The following MYPN variants were observed in gnomAD, a reference collection of about 807,000 sequenced individuals.
The protein encoded by MYPN is sarcomeric protein myopalladin, 145 kDa (MYOP).
Under a neutral mutation model 129.4 loss-of-function variants are expected in MYPN, and 63 were observed. The observed-to-expected ratio is 0.49, with a 90% CI of 0.40 to 0.60. The LOEUF (loss-of-function observed/expected upper bound fraction) is 0.60. Among genes scored for constraint, MYPN ranks in the 20% least tolerant of loss-of-function variants. The pLI is 0.00. For synonymous variants in MYPN, 629 were observed against 600.9 expected, an observed-to-expected ratio of 1.05 and a Z score of -0.68; for missense variants, 1,596 against 1,635.4, an observed-to-expected ratio of 0.98 and a Z score of 0.42.
At position 68,166,837 on chromosome 10, in the gene MYPN, G is replaced by T. The variant is rs7905579; in HGVS notation, c.1973+171G>T. On this transcript the variant is annotated intron_variant, in intron 10 of 19. Transcript: ENST00000358913. ...TGAGCCCAGGAATTCGAGACCAGCC[G>T]GGGAAAAATAGTGAGACCTCTGTCT... Among the ~76,000 whole-genome samples, 60,453 of 151,536 alleles carry T rather than the reference G, an allele frequency of 0.4. 13,766 individuals carry two copies. The highest frequency in any genetic ancestry group is 0.52 in the Non-Finnish European group (35,042 of 67,764).
At position 68,166,592 on chromosome 10, in the gene MYPN, C is replaced by G. The variant is rs147500426; in HGVS notation, c.1899C>G (p.Asn633Lys). ...TRPDSFQERF[N>K]GQATKTPEPS... ...CCGATTCTTTCCAGGAGAGGTTCAA[C>G]GGACAGGCAACAAAAACCCCAGAGC... Residue 633 changes from asparagine (N) to lysine (K), a missense_variant, in exon 10 of 20, where the codon AAC becomes AAG. By Grantham distance (94) the Asn-to-Lys change is moderately conservative (BLOSUM62 0). Transcript: ENST00000358913. 3 of 1,613,998 alleles carry G rather than the reference C, an allele frequency of 1.9e-6. No homozygotes were observed. The highest frequency in any genetic ancestry group is 2.5e-6 in the Non-Finnish European group (3 of 1,180,004).
At position 68,121,722 on chromosome 10, in the gene MYPN, A is replaced by C. The variant is rs763850193; in HGVS notation, c.284A>C (p.Gln95Pro). Residue 95 changes from glutamine (Q) to proline (P), a missense_variant, in exon 2 of 20, where the codon CAA (glutamine) becomes CCA (proline). Coordinates refer to ENST00000358913, the MANE Select transcript of MYPN (RefSeq NM_032578.4). ...CCTTTGGAGAAGGCAGATGAAACTC[A>C]AGCTAGAAAACGACTTTCTCCTGAT... ...YDPLEKADET[Q>P]ARKRLSPDQM... 6.2e-7 allele frequency: 1 copy of C among 1,614,188 alleles called. No homozygotes were observed. The highest frequency in any genetic ancestry group is 2.2e-5 in the East Asian group (1 of 44,876).
At chr10:68,128,012 T>C (rs190758947) in intron 2 of MYPN, among the ~76,000 whole-genome samples, 2 of 152,322 alleles carry the variant, frequency 1.3e-5, no homozygotes, top group Admixed American at 6.5e-5. Context: ...AATTATTTTG[T>C]TTATATTGTT....
At chr10:68,202,364 C>T (rs1189658280) in intron 18 of MYPN, among the ~76,000 whole-genome samples, 1 of 151,720 alleles carries the variant, frequency 6.6e-6, no homozygotes, top group Non-Finnish European at 1.5e-5. Flanking sequence ...ACCTGGGAGG[C>T]GGAACTTGCA....
intron 12 of MYPN, among the ~76,000 whole-genome samples, chr10:68,182,386 TATATAACATATATATAACAC>T (rs1325859830): frequency 1.1e-4 from 12 of 104,576 alleles, no homozygotes; most frequent in African/African-American, 4.1e-4. Flanking sequence ...ATATAACACA[TATATAACATATATATAACAC>T]ATATATATAA....
At chr10:68,108,602 A>G (rs1369312664), upstream of MYPN, among the ~76,000 whole-genome samples, 1 of 152,236 alleles carries the variant, frequency 6.6e-6, no homozygotes, top group Non-Finnish European at 1.5e-5. Context: ...AATAACCATC[A>G]TTTAAGTCTG....
intron 6 of MYPN, among the ~76,000 whole-genome samples, chr10:68,156,738 A>G (rs1265457335): frequency 1.3e-5 from 2 of 152,262 alleles, no homozygotes; most frequent in East Asian, 3.8e-4. Flanking sequence ...TGTAAAAAAT[A>G]ACGAAATATT....
At chr10:68,157,882 T>TAA (rs909048548) in intron 6 of MYPN, among the ~76,000 whole-genome samples, 3 of 131,496 alleles carry the variant, frequency 2.3e-5, no homozygotes, top group Admixed American at 7.6e-5. Flanking sequence ...CCCCGACCAA[T>TAA]AAAAAAAAAA....
intron 12 of MYPN, among the ~76,000 whole-genome samples, chr10:68,176,843 C>A (rs903898473): frequency 1.3e-5 from 2 of 152,178 alleles, no homozygotes; most frequent in Non-Finnish European, 2.9e-5. Context: ...CTCACATTTT[C>A]CCTGAAACGC....
intron 10 of MYPN, among the ~76,000 whole-genome samples, chr10:68,167,800 C>A (rs888505512): frequency 6.6e-6 from 1 of 152,200 alleles, no homozygotes; most frequent in East Asian, 1.9e-4. Context: ...CCAGAAATGT[C>A]AGTCCCCTCA....
At chr10:68,092,048 C>G (rs1246742985) in intron 1 of MYPN, among the ~76,000 whole-genome samples, 1 of 151,902 alleles carries the variant, frequency 6.6e-6, no homozygotes, top group Non-Finnish European at 1.5e-5. Context: ...TGTCACTGCT[C>G]TCCAGTCTGG....
chr10:68,127,319 CTTT>C (rs71470508), intron 2 of MYPN, among the ~76,000 whole-genome samples: 4 of 72,570 alleles, frequency 5.5e-5, no homozygotes, highest in South Asian at 6.3e-4. Flanking sequence ...ACACATATAT[CTTT>C]TTTTTTTTTT....
intron 12 of MYPN, among the ~76,000 whole-genome samples, chr10:68,180,895 A>G (rs1218510928): frequency 6.6e-6 from 1 of 152,242 alleles, no homozygotes; most frequent in Non-Finnish European, 1.5e-5. Flanking sequence ...TTGTCAATTT[A>G]TCAGCCTGAA....
intron 1 of MYPN, among the ~76,000 whole-genome samples, chr10:68,090,003 T>C (rs1460824576): frequency 1.3e-5 from 2 of 152,298 alleles, no homozygotes; most frequent in South Asian, 2.1e-4. Context: ...TATGATGTAG[T>C]GTGTCTAGAA....
In MYPN at chr10:68,158,587, T is replaced by C. The variant is rs199476407; in HGVS notation, c.1419T>C (p.Thr473=). ...AGGTTGAGTGGTATAGAGAAGGGAC[T>C]TTAATAGAAGATTCTCCAGATTTTA... is the stretch of plus-strand genomic sequence containing the variant. The part of the protein sequence containing the change: ...SPKVEWYREG[T]LIEDSPDFRI... Residue 473 remains threonine (T), a synonymous_variant, in exon 7 of 20, where the codon ACT becomes ACC. Transcript: ENST00000358913. 12 of 1,602,942 alleles carry C rather than the reference T, an allele frequency of 7.5e-6. No individual in the cohort carries two copies. The East Asian group carries it at 2.5e-4, about 33-fold the overall frequency.
chr10:68,146,684 A>G (rs547591824), intron 4 of MYPN, among the ~76,000 whole-genome samples: 7 of 152,338 alleles, frequency 4.6e-5, no homozygotes, highest in East Asian at 1.9e-4. Flanking sequence ...TTTCTGCTTT[A>G]TCTCACACTA....
intron 12 of MYPN, among the ~76,000 whole-genome samples, chr10:68,178,133 G>A (rs552323827): frequency 5.9e-5 from 9 of 152,196 alleles, no homozygotes; most frequent in South Asian, 2.1e-4. Flanking sequence ...CTCATCTTAC[G>A]TATTTACAAT....
intron 15 of MYPN, among the ~76,000 whole-genome samples, chr10:68,195,844 CCAGGCTGGAGTG>C (rs2043596733): frequency 6.6e-6 from 1 of 151,904 alleles, no homozygotes; most frequent in Non-Finnish European, 1.5e-5. Flanking sequence ...ACTTTGTTGC[CCAGGCTGGAGTG>C]CAGTCGTGTG....
At position 68,166,383 on chromosome 10, in the gene MYPN, C is replaced by G. The variant is rs756292351; in HGVS notation, c.1690C>G (p.His564Asp). The G allele has an allele frequency of 6.2e-7, 1 of 1,614,132 alleles. No homozygotes were observed. Among genetic ancestry groups the G allele is most frequent in the Non-Finnish European group, 8.5e-7 (1 of 1,180,034 alleles). Residue 564 changes from histidine (H) to aspartate (D), a missense_variant, in exon 10 of 20, where the codon CAC becomes GAC. Physicochemically the swap from His to Asp is moderately conservative, Grantham distance 81 (BLOSUM62 -1). Coordinates refer to ENST00000358913, the MANE Select transcript of MYPN (RefSeq NM_032578.4). Reference sequence around the variant, plus strand: ...TATTGAGCCACAGCCCTCCCCACCCCACTCAGAGCCTCCATCTGTGGAACA... The same window carrying G: ...TATTGAGCCACAGCCCTCCCCACCCGACTCAGAGCCTCCATCTGTGGAACA... ...AAIEPQPSPP[H>D]SEPPSVEQPP...
Sources: allele counts gnomAD v4.1 joint callset (sites outside exome capture counted in the v4.1 genomes callset), GRCh38; gene constraint gnomAD v4.1.1; transcripts MANE v1.5; gene names NCBI Gene and HGNC (gene_info 2026-07-23, HGNC 2026-07-21).